The following ACKR2 variants were observed in gnomAD, a reference collection of about 807,000 sequenced individuals.
The protein encoded by ACKR2 is atypical chemokine receptor 2, also known as C-C chemokine receptor D6.
For synonymous variants in ACKR2, 207 were observed against 192.2 expected (o/e 1.08, Z -0.64); for missense variants, 457 against 477.3 (o/e 0.96, Z 0.40).
rs1701182308 is a variant in ACKR2, at chr3:42,853,230, G to A, written c.-37-11236G>A. ...GCTGAACTCCCAGTGTGTGATTTGG[G>A]GCTCCAGCTCTGGAGCCAGCTGCAG... On this transcript the variant is annotated intron_variant, in intron 2 of 2. Coordinates refer to ENST00000422265, the MANE Select transcript of ACKR2 (RefSeq NM_001296.5). Among the ~76,000 whole-genome samples the A allele has an allele frequency of 2.0e-5, 3 of 152,118 alleles. No homozygotes were observed. The South Asian group carries it at 6.2e-4, about 32-fold the overall frequency.
chr3:42,811,442 A>G (rs1307984718), intron 1 of ACKR2, among the ~76,000 whole-genome samples: 1 of 152,196 alleles, frequency 6.6e-6, no homozygotes, highest in Non-Finnish European at 1.5e-5. Flanking sequence ...AGTCATCGCC[A>G]TTCTCCATTC....
chr3:42,865,729 C>A lies in ACKR2; in HGVS notation c.*72C>A. The A allele has an allele frequency of 8.1e-7, 1 of 1,234,772 alleles. No individual in the cohort carries two copies. Among genetic ancestry groups the A allele is most frequent in the South Asian group, 1.5e-5 (1 of 67,900 alleles). 76.5% of individuals were successfully genotyped at this position (1,234,772 alleles called of 1,614,324 possible). A position where few individuals can be genotyped will look rare whatever the true frequency, so the allele number is the denominator to read the frequency against. On this transcript the variant is annotated 3_prime_UTR_variant, in exon 3 of 3. Coordinates refer to ENST00000422265, the MANE Select transcript of ACKR2 (RefSeq NM_001296.5). ...TGGGTGTCCACTCAAAGTGCTCTCT[C>A]CAGGGGCCTCAGTGACTGTGTTGCT... is the stretch of plus-strand genomic sequence containing the variant.
At chr3:42,838,300 G>T (rs1701004051) in intron 2 of ACKR2, among the ~76,000 whole-genome samples, 1 of 152,056 alleles carries the variant, frequency 6.6e-6, no homozygotes, top group African/African-American at 2.4e-5. Flanking sequence ...TCTGATAAAA[G>T]ACTTTTTATA....
At chr3:42,816,410 G>A (rs571587481) in intron 1 of ACKR2, among the ~76,000 whole-genome samples, 1 of 152,148 alleles carries the variant, frequency 6.6e-6, no homozygotes, top group East Asian at 1.9e-4. Context: ...GTTCCCATTA[G>A]CAACCAAAGT....
At chr3:42,850,032 G>T (rs1701135857) in intron 2 of ACKR2, among the ~76,000 whole-genome samples, 1 of 152,080 alleles carries the variant, frequency 6.6e-6, no homozygotes, top group South Asian at 2.1e-4. Context: ...TTAAAATAAG[G>T]ATGTACAAAA....
At chr3:42,830,572 T>C (rs1700921644) in intron 2 of ACKR2, among the ~76,000 whole-genome samples, 1 of 152,134 alleles carries the variant, frequency 6.6e-6, no homozygotes, top group South Asian at 2.1e-4. Context: ...GGAGAAGAGG[T>C]GTAGTGCAGG....
At chr3:42,823,984 C>T (rs1035402939) in intron 2 of ACKR2, among the ~76,000 whole-genome samples, 7 of 152,106 alleles carry the variant, frequency 4.6e-5, no homozygotes, top group Non-Finnish European at 1.0e-4. Flanking sequence ...CAGTCAAAAC[C>T]CAGTCAAAAC....
At chr3:42,837,973 GAAGATACATA>G (rs1701001602) in intron 2 of ACKR2, among the ~76,000 whole-genome samples, 1 of 152,256 alleles carries the variant, frequency 6.6e-6, no homozygotes, top group Non-Finnish European at 1.5e-5. Context: ...ACTGGACACT[GAAGATACATA>G]AATTTATATT....
chr3:42,833,495 T>A (rs896518100), intron 2 of ACKR2, among the ~76,000 whole-genome samples: 12 of 152,166 alleles, frequency 7.9e-5, no homozygotes, highest in African/African-American at 2.9e-4. Context: ...ACTATACAAT[T>A]ATTAATTATT....
At chr3:42,863,914 CA>C (rs2088407091) in intron 2 of ACKR2, among the ~76,000 whole-genome samples, 1 of 151,962 alleles carries the variant, frequency 6.6e-6, no homozygotes, top group African/African-American at 2.4e-5. Context: ...ATGTAAATGA[CA>C]GATTGATGGG....
intron 2 of ACKR2, among the ~76,000 whole-genome samples, chr3:42,856,795 A>G (rs989229271): frequency 6.6e-6 from 1 of 151,276 alleles, no homozygotes; most frequent in African/African-American, 2.4e-5. Context: ...TTGGACCACA[A>G]ATTCCTTTTT....
At chr3:42,851,406 T>C in intron 2 of ACKR2, 3 of 985,446 alleles carry the variant, frequency 3.0e-6, no homozygotes, top group South Asian at 4.7e-5. Flanking sequence ...GCTGCCGCTC[T>C]CCTCCCAGGC....
chr3:42,851,298 G>T (rs1174464079), intron 2 of ACKR2: 39 of 938,710 alleles, frequency 4.2e-5, no homozygotes, highest in Non-Finnish European at 5.0e-5. Flanking sequence ...TATTCCAGTT[G>T]AAAGCAGGAT....
chr3:42,814,890 C>T (rs1700733380), intron 1 of ACKR2, among the ~76,000 whole-genome samples: 1 of 152,134 alleles, frequency 6.6e-6, no homozygotes, highest in African/African-American at 2.4e-5. Flanking sequence ...TTAAGTGGGC[C>T]TTGAAGGATG....
chr3:42,827,593 A>G (rs899029671), intron 2 of ACKR2, among the ~76,000 whole-genome samples: 1 of 152,164 alleles, frequency 6.6e-6, no homozygotes, highest in African/African-American at 2.4e-5. Context: ...GATTATGGAT[A>G]AGGAGAAGCA....
At chr3:42,848,694 T>G (rs1559690888) in intron 2 of ACKR2, among the ~76,000 whole-genome samples, 2 of 152,232 alleles carry the variant, frequency 1.3e-5, no homozygotes, top group Non-Finnish European at 2.9e-5. Flanking sequence ...GATATTTGTG[T>G]AGTCTCAAAG....
chr3:42,830,664 G>A (rs1205791143), intron 2 of ACKR2, among the ~76,000 whole-genome samples: 1 of 151,676 alleles, frequency 6.6e-6, no homozygotes, highest in Non-Finnish European at 1.5e-5. Context: ...CTGGTGATGA[G>A]GTGTAAGTTC....
intron 2 of ACKR2, among the ~76,000 whole-genome samples, chr3:42,860,168 A>AT (rs2088367933): frequency 1.6e-5 from 2 of 128,392 alleles, no homozygotes; most frequent in Non-Finnish European, 1.6e-5. Flanking sequence ...GGAAAGCAAA[A>AT]AAAAAAAAAA....
chr3:42,824,083 T>C (rs1181246380), intron 2 of ACKR2, among the ~76,000 whole-genome samples: 1 of 152,192 alleles, frequency 6.6e-6, no homozygotes, highest in Non-Finnish European at 1.5e-5. Flanking sequence ...GTGTTTAAAC[T>C]TGGGTCTCAT....
Sources: gnomAD v4.1 joint callset for allele counts (sites outside exome capture counted in the v4.1 genomes callset) on GRCh38, gnomAD v4.1.1 for gene constraint, MANE v1.5 for transcripts, NCBI Gene and HGNC (gene_info 2026-07-23, HGNC 2026-07-21) for gene names.